Variants in SNAP29 observed in about 807,000 individuals in gnomAD.
SNAP29 encodes the protein synaptosomal-associated protein 29.
In SNAP29, 13 loss-of-function variants were observed where a neutral mutation model predicts 27.9. That is an observed-to-expected ratio of 0.47 (90% CI 0.30 to 0.74). The LOEUF (loss-of-function observed/expected upper bound fraction) is 0.74, where lower values mean the gene tolerates loss of function less well. Among genes scored for constraint, SNAP29 ranks in the 30% least tolerant of loss-of-function variants. SNAP29 has a pLI of 0.06. For synonymous variants in SNAP29, 119 were observed against 127.1 expected, an observed-to-expected ratio of 0.94 and a Z score of 0.43; for missense variants, 368 against 336.5, an observed-to-expected ratio of 1.09 and a Z score of -0.73.
At chr22:20,884,691 C>T (rs1928972517) in intron 4 of SNAP29, among the ~76,000 whole-genome samples, 1 of 152,138 alleles carries the variant, frequency 6.6e-6, no homozygotes, top group Non-Finnish European at 1.5e-5. Flanking sequence ...ACTGTAGATT[C>T]CAGGACAGCA....
intron 1 of SNAP29, among the ~76,000 whole-genome samples, chr22:20,868,521 A>G (rs1928513237): frequency 6.6e-6 from 1 of 152,218 alleles, no homozygotes; most frequent in African/African-American, 2.4e-5. Flanking sequence ...GGAAGCCACA[A>G]CCATTTATTT....
In SNAP29 at chr22:20,862,944, C is replaced by T. The variant is rs146922188; in HGVS notation, c.237+3597C>T. 3.0e-3 allele frequency among the ~76,000 whole-genome samples: 459 copies of T among 152,106 alleles called. 2 individuals carry two copies. The highest frequency in any genetic ancestry group is 0.011 in the African/African-American group (442 of 41,512). On this transcript the variant is annotated intron_variant, in intron 1 of 4. Coordinates refer to ENST00000215730, the MANE Select transcript of SNAP29 (RefSeq NM_004782.4). ...CACTCTGTCAACCAGGCTAGAGTGC[C>T]GTGGTGCAATCTTGGCTCACTGCAG...
At chr22:20,885,478 T>G (rs1415729946) in intron 4 of SNAP29, among the ~76,000 whole-genome samples, 1 of 152,134 alleles carries the variant, frequency 6.6e-6, no homozygotes, top group Admixed American at 6.6e-5. Flanking sequence ...GCAGAAGGTG[T>G]GTCTGCCCAG....
chr22:20,875,994 T>C (rs1236615541), intron 2 of SNAP29, among the ~76,000 whole-genome samples: 3 of 151,850 alleles, frequency 2.0e-5, no homozygotes, highest in African/African-American at 4.8e-5. Flanking sequence ...ACCCCGTCTC[T>C]ACTAAAAATA....
At chr22:20,860,371 CTTTTT>C (rs361726) in intron 1 of SNAP29, among the ~76,000 whole-genome samples, 3 of 133,912 alleles carry the variant, frequency 2.2e-5, no homozygotes, top group Non-Finnish European at 4.8e-5. Context: ...TTTTCTTTTT[CTTTTT>C]TTTTTTTTTT....
At chr22:20,872,993 T>C (rs1183801787) in intron 2 of SNAP29, among the ~76,000 whole-genome samples, 1 of 150,562 alleles carries the variant, frequency 6.6e-6, no homozygotes, top group Non-Finnish European at 1.5e-5. Context: ...CCATGCCTGG[T>C]TAATTTTTGT....
chr22:20,879,124 G>T (rs1203360444), intron 2 of SNAP29, among the ~76,000 whole-genome samples: 1 of 151,964 alleles, frequency 6.6e-6, no homozygotes, highest in Non-Finnish European at 1.5e-5. Flanking sequence ...CGGCTAACAC[G>T]GTGAAACCCC....
intron 2 of SNAP29, among the ~76,000 whole-genome samples, chr22:20,875,331 A>G (rs764026967): frequency 2.6e-4 from 40 of 152,196 alleles, no homozygotes; most frequent in Non-Finnish European, 5.3e-4. Context: ...ATTAGCCCCA[A>G]TCAGTTGTAG....
Position 20,859,099 on chromosome 22 carries a change from C to T in SNAP29, c.-12C>T. On this transcript the variant is annotated 5_prime_UTR_variant, in exon 1 of 5. Transcript: ENST00000215730. ...TCCTTCTGTTTCCCAGACCGAGAGCCGCGCCGGCACCATGTCAGCTTACCC... is the reference window on the plus strand; with the variant it reads ...TCCTTCTGTTTCCCAGACCGAGAGCTGCGCCGGCACCATGTCAGCTTACCC... The T allele has an allele frequency of 6.3e-7, 1 of 1,589,570 alleles. No individual in the cohort carries two copies. The highest frequency in any genetic ancestry group is 8.6e-7 in the Non-Finnish European group (1 of 1,162,914).
chr22:20,867,749 A>G (rs1432680592), intron 1 of SNAP29, among the ~76,000 whole-genome samples: 1 of 152,200 alleles, frequency 6.6e-6, no homozygotes, highest in East Asian at 1.9e-4. Context: ...GGTTTCCTTA[A>G]CAGTAGCACA....
chr22:20,879,031 G>GGC, intron 2 of SNAP29, among the ~76,000 whole-genome samples: 1 of 152,214 alleles, frequency 6.6e-6, no homozygotes, highest in South Asian at 2.1e-4. Flanking sequence ...ACAGTGGCCG[G>GGC]GTGCAGTGGC....
chr22:20,860,850 C>T (rs900437486), intron 1 of SNAP29, among the ~76,000 whole-genome samples: 1 of 149,690 alleles, frequency 6.7e-6, no homozygotes, highest in Non-Finnish European at 1.5e-5. Context: ...GAGTTTGAGA[C>T]CAGCAGGGGT....
At chr22:20,860,888 T>A (rs1052824328) in intron 1 of SNAP29, among the ~76,000 whole-genome samples, 2 of 149,666 alleles carry the variant, frequency 1.3e-5, no homozygotes, top group East Asian at 3.9e-4. Flanking sequence ...ATTTGAAAAA[T>A]TAGCCAGGCA....
chr22:20,873,964 C>CAAAAAAAAAA (rs362036), intron 2 of SNAP29, among the ~76,000 whole-genome samples: 1 of 25,970 alleles, frequency 3.9e-5, no homozygotes, highest in African/African-American at 1.7e-4. Context: ...GACTCTGTCT[C>CAAAAAAAAAA]AAAAAAAAAA....
At chr22:20,865,001 C>T (rs537108930) in intron 1 of SNAP29, among the ~76,000 whole-genome samples, 10 of 152,280 alleles carry the variant, frequency 6.6e-5, no homozygotes, top group Admixed American at 1.3e-4. Context: ...ACATACTCAC[C>T]GCTAGGTCTG....
chr22:20,883,683 A>C, intron 4 of SNAP29, 114 bp downstream of exon 4: 1 of 741,776 alleles, frequency 1.3e-6, no homozygotes, highest in East Asian at 2.6e-5. Context: ...CACACATCAC[A>C]TCCCACGCCA....
intron 2 of SNAP29, among the ~76,000 whole-genome samples, chr22:20,872,518 A>T (rs1217197430): frequency 1.3e-5 from 2 of 152,108 alleles, no homozygotes; most frequent in African/African-American, 4.8e-5. Context: ...CTCCTGCCTC[A>T]GCCTCCCGAG....
Position 20,883,344 on chromosome 22 carries a change from G to A in SNAP29, c.521-127G>A, listed in dbSNP as rs944179018. ...GCTGTGCTCCTCCCTCATCCCTCTG[G>A]ATAGCCTCAGAACCAACCCCTTCGT... On this transcript the variant is annotated intron_variant, in intron 3 of 4. Transcript: ENST00000215730. 150 of 689,314 alleles carry A rather than the reference G, an allele frequency of 2.2e-4. 3 individuals carry two copies. The highest frequency in any genetic ancestry group is 2.0e-3 in the South Asian group (144 of 71,044). 42.7% of individuals were successfully genotyped at this position (689,314 alleles called of 1,614,324 possible).
intron 2 of SNAP29, among the ~76,000 whole-genome samples, chr22:20,874,190 G>A (rs1186804234): frequency 6.8e-6 from 1 of 147,296 alleles, no homozygotes; most frequent in African/African-American, 2.5e-5. Flanking sequence ...AATGTGTATG[G>A]CGTGAACCCA....
Sources: allele counts gnomAD v4.1 joint callset (sites outside exome capture counted in the v4.1 genomes callset), GRCh38; gene constraint gnomAD v4.1.1; transcripts MANE v1.5; gene names NCBI Gene and HGNC (gene_info 2026-07-23, HGNC 2026-07-21).